Variants in CNTN3 observed in about 807,000 individuals in gnomAD.
CNTN3 encodes contactin 3, also known as contactin-3.
Under a neutral mutation model 119.1 loss-of-function variants are expected in CNTN3, and 60 were observed. The ratio of observed to expected loss-of-function variants is 0.50; its 90% CI spans 0.41 to 0.62. The LOEUF is 0.62. Among genes scored for constraint, CNTN3 ranks in the 20% least tolerant of loss-of-function variants. The probability of loss-of-function intolerance (pLI) is 0.00; values close to 1 mark genes in which losing one functional copy is unlikely to be tolerated. For missense variants in CNTN3, 1,101 were observed against 1,242.4 expected (o/e 0.89, Z 1.71); for synonymous variants, 450 against 438.7 (o/e 1.03, Z -0.32).
chr3:74,394,717 G>T (rs1013888988), intron 5 of CNTN3, among the ~76,000 whole-genome samples: 1 of 152,168 alleles, frequency 6.6e-6, no homozygotes, highest in Non-Finnish European at 1.5e-5. Flanking sequence ...CAAAGTTAGA[G>T]AAAGGCTTAT....
intron 21 of CNTN3, 22 bp from the exon 22 acceptor site, chr3:74,266,671 A>C (rs1053039902): frequency 6.2e-7 from 1 of 1,604,070 alleles, no homozygotes; most frequent in Non-Finnish European, 8.5e-7. Context: ...GAACAAATAC[A>C]CTTACTTGTT....
chr3:74,308,748 CTT>C (rs1478575601), intron 13 of CNTN3, among the ~76,000 whole-genome samples: 1 of 151,996 alleles, frequency 6.6e-6, no homozygotes, highest in Non-Finnish European at 1.5e-5. Context: ...AGAGTCACGT[CTT>C]CACAATTGTT....
intron 1 of CNTN3, among the ~76,000 whole-genome samples, chr3:74,593,434 A>G (rs559110015): frequency 3.9e-5 from 6 of 152,140 alleles, no homozygotes; most frequent in African/African-American, 1.4e-4. Context: ...GTGTGACTTT[A>G]AATTTCCAAA....
At chr3:74,486,348 C>G (rs1702858387) in intron 4 of CNTN3, 108 bp downstream of exon 4, 1 of 966,458 alleles carries the variant, frequency 1.0e-6, no homozygotes, top group Non-Finnish European at 1.5e-6. Context: ...AGTCTATTTA[C>G]TGAATTAATA....
At chr3:74,345,019 T>C (rs1384787308) in intron 11 of CNTN3, among the ~76,000 whole-genome samples, 1 of 152,168 alleles carries the variant, frequency 6.6e-6, no homozygotes, top group African/African-American at 2.4e-5. Flanking sequence ...TGCAACCCCT[T>C]TGTCTTAGCT....
At chr3:74,500,620 T>A (rs1406854948) in intron 2 of CNTN3, among the ~76,000 whole-genome samples, 1 of 150,470 alleles carries the variant, frequency 6.6e-6, no homozygotes, top group Non-Finnish European at 1.5e-5. Flanking sequence ...AGACAAAGAA[T>A]CCGTGAAAAG....
chr3:74,511,325 T>C (rs760808614), intron 2 of CNTN3, among the ~76,000 whole-genome samples: 1 of 152,108 alleles, frequency 6.6e-6, no homozygotes, highest in Non-Finnish European at 1.5e-5. Flanking sequence ...GAAATTCACA[T>C]ATAATTACTT....
At chr3:74,532,324 G>A (rs1446259855) in intron 1 of CNTN3, among the ~76,000 whole-genome samples, 3 of 151,926 alleles carry the variant, frequency 2.0e-5, no homozygotes, top group African/African-American at 7.2e-5. Context: ...GCATACAGTA[G>A]ACCCCCTTAT....
At chr3:74,464,255 G>A (rs901484088) in intron 4 of CNTN3, among the ~76,000 whole-genome samples, 2 of 152,030 alleles carry the variant, frequency 1.3e-5, no homozygotes, top group African/African-American at 2.4e-5. Flanking sequence ...AATTACAATA[G>A]CTCAAAAATA....
intron 14 of CNTN3, 83 bp from the exon 15 acceptor site, chr3:74,301,888 G>A: frequency 2.8e-6 from 4 of 1,450,010 alleles, no homozygotes; most frequent in East Asian, 4.6e-5. Flanking sequence ...AATGTCACAT[G>A]ACCACTTCAA....
At chr3:74,371,008 G>T (rs550396011) in intron 6 of CNTN3, among the ~76,000 whole-genome samples, 188 bp downstream of exon 6, 10 of 152,076 alleles carry the variant, frequency 6.6e-5, no homozygotes, top group East Asian at 1.9e-4. Context: ...GCTTGCCCGG[G>T]GTAAGAATTA....
chr3:74,479,936 A>G lies in CNTN3; in HGVS notation c.358+6520T>C, dbSNP rs1264585408. On this transcript the variant is annotated intron_variant, in intron 4 of 22. Transcript: ENST00000263665. ...TAAGTATAAGACTATAGAAAAATCAATAAGTAAAATAATGTAATAAGACTA... is the reference window on the plus strand; with the variant it reads ...TAAGTATAAGACTATAGAAAAATCAGTAAGTAAAATAATGTAATAAGACTA... 2.6e-5 allele frequency among the ~76,000 whole-genome samples: 4 copies of G among 152,108 alleles called. No individual in the cohort carries two copies. The East Asian group carries it at 7.7e-4, about 29-fold the overall frequency.
intron 19 of CNTN3, among the ~76,000 whole-genome samples, chr3:74,288,199 C>T (rs1702154234): frequency 7.4e-6 from 1 of 134,692 alleles, no homozygotes; most frequent in African/African-American, 3.0e-5. Flanking sequence ...CACTGTGTTG[C>T]CCAGGCTGGA....
chr3:74,587,393 G>A (rs1704612843), intron 1 of CNTN3, among the ~76,000 whole-genome samples: 1 of 152,044 alleles, frequency 6.6e-6, no homozygotes, highest in South Asian at 2.1e-4. Flanking sequence ...GCAGAAACTT[G>A]AAAACAACTG....
At chr3:74,393,523 G>A (rs148375651) in intron 5 of CNTN3, among the ~76,000 whole-genome samples, 3 of 152,280 alleles carry the variant, frequency 2.0e-5, no homozygotes, top group African/African-American at 7.2e-5. Context: ...GTGTTATTAG[G>A]GAGCTAACAC....
intron 1 of CNTN3, among the ~76,000 whole-genome samples, chr3:74,575,491 C>T (rs191895103): frequency 1.3e-5 from 2 of 151,966 alleles, no homozygotes; most frequent in Non-Finnish European, 2.9e-5. Flanking sequence ...ATTTCGTGAT[C>T]TGCCCACCTC....
intron 1 of CNTN3, among the ~76,000 whole-genome samples, chr3:74,598,884 A>T (rs1382442937): frequency 1.3e-5 from 2 of 152,030 alleles, no homozygotes; most frequent in Non-Finnish European, 2.9e-5. Flanking sequence ...GTATACAGGC[A>T]AGCAAAAGGC....
In CNTN3 at chr3:74,402,296, T is replaced by A. The variant is rs143723347; in HGVS notation, c.454+22549A>T. ...GATATGAAACTATGCCATGAATGAA[T>A]GGTGTTTAGTTTGGGATTTAACGAT... On this transcript the variant is annotated intron_variant, in intron 5 of 22. Transcript: ENST00000263665. Among the ~76,000 whole-genome samples, 1,023 of 152,248 alleles carry A rather than the reference T, an allele frequency of 6.7e-3. 33 individuals carry two copies. Among genetic ancestry groups the A allele is most frequent in the Admixed American group, 0.054 (829 of 15,272 alleles).
chr3:74,515,629 ACATAGCAG>A (rs1414370162), intron 2 of CNTN3, among the ~76,000 whole-genome samples: 1 of 152,094 alleles, frequency 6.6e-6, no homozygotes, highest in Non-Finnish European at 1.5e-5. Flanking sequence ...AGGTAGGTCA[ACATAGCAG>A]CCAGGGCTTG....
Sources: allele counts gnomAD v4.1 joint callset (sites outside exome capture counted in the v4.1 genomes callset), GRCh38; gene constraint gnomAD v4.1.1; transcripts MANE v1.5; gene names NCBI Gene and HGNC (gene_info 2026-07-23, HGNC 2026-07-21).